Variants in SLIT1 observed in about 807,000 individuals in gnomAD.
SLIT1 encodes slit guidance ligand 1.
A neutral mutation model predicts 186.1 loss-of-function variants in SLIT1; 66 were observed. That is an observed-to-expected ratio of 0.35 (90% CI 0.29 to 0.44). The LOEUF (loss-of-function observed/expected upper bound fraction) is 0.44, where lower values mean the gene tolerates loss of function less well. Among genes scored for constraint, SLIT1 ranks in the 20% least tolerant of loss-of-function variants. The pLI is 1.00. For synonymous variants in SLIT1, 761 were observed against 833.8 expected, an observed-to-expected ratio of 0.91 and a Z score of 1.50; for missense variants, 1,638 against 2,037.4, an observed-to-expected ratio of 0.80 and a Z score of 3.77.
intron 9 of SLIT1, 28 bp downstream of exon 9, chr10:97,060,612 C>G (rs745486958): frequency 1.2e-6 from 2 of 1,611,586 alleles, no homozygotes; most frequent in East Asian, 2.2e-5. Flanking sequence ...AGGGCTGTGC[C>G]CCAGCATCTG....
chr10:97,165,522 T>A (rs1443453242), intron 1 of SLIT1, among the ~76,000 whole-genome samples: 2 of 151,944 alleles, frequency 1.3e-5, no homozygotes, highest in Non-Finnish European at 2.9e-5. Flanking sequence ...GGAGCAGACG[T>A]GCCCCAAGGA....
chr10:97,169,231 TG>T (rs1363005447), intron 1 of SLIT1, among the ~76,000 whole-genome samples: 10 of 152,202 alleles, frequency 6.6e-5, no homozygotes, highest in African/African-American at 2.4e-4. Flanking sequence ...CCATCAGCCT[TG>T]CTCTCTAACG....
intron 3 of SLIT1, among the ~76,000 whole-genome samples, chr10:97,160,790 G>A (rs926969512): frequency 3.9e-5 from 6 of 152,118 alleles, no homozygotes; most frequent in South Asian, 2.1e-4. Flanking sequence ...GCATGATCTC[G>A]GCTCACCGCA....
intron 25 of SLIT1, among the ~76,000 whole-genome samples, chr10:97,023,642 A>G (rs545233519): frequency 6.6e-6 from 1 of 152,318 alleles, no homozygotes; most frequent in Admixed American, 6.5e-5. Context: ...ATTTTAGGGT[A>G]AGAAAGAGCC....
At chr10:97,048,281 G>A (rs1848754764) in intron 14 of SLIT1, among the ~76,000 whole-genome samples, 1 of 152,208 alleles carries the variant, frequency 6.6e-6, no homozygotes, top group African/African-American at 2.4e-5. Context: ...TTTTACAGGT[G>A]GGGACGGGGT....
chr10:97,061,621 A>G (rs1366179908), intron 8 of SLIT1, among the ~76,000 whole-genome samples: 67 of 152,196 alleles, frequency 4.4e-4, no homozygotes, highest in Non-Finnish European at 7.3e-5. Context: ...TGTGTGTATC[A>G]GTAGTTTGTT....
chr10:97,130,392 C>T (rs975140630), intron 4 of SLIT1, among the ~76,000 whole-genome samples: 3 of 152,096 alleles, frequency 2.0e-5, no homozygotes, highest in South Asian at 2.1e-4. Flanking sequence ...GGATAACAAA[C>T]GTGGTATTTA....
At chr10:97,118,189 G>T (rs969665506) in intron 4 of SLIT1, among the ~76,000 whole-genome samples, 1 of 152,164 alleles carries the variant, frequency 6.6e-6, no homozygotes, top group African/African-American at 2.4e-5. Context: ...GGACTATATG[G>T]TATAAGAAGG....
At chr10:97,054,396 C>G (rs1848819588) in intron 13 of SLIT1, among the ~76,000 whole-genome samples, 1 of 152,018 alleles carries the variant, frequency 6.6e-6, no homozygotes, top group South Asian at 2.1e-4. Context: ...CCCCATGGAA[C>G]TGTCAGCCAA....
chr10:97,125,090 A>T, intron 4 of SLIT1, among the ~76,000 whole-genome samples: 1 of 152,228 alleles, frequency 6.6e-6, no homozygotes, highest in Non-Finnish European at 1.5e-5. Context: ...GGAGGTGTGG[A>T]GAAACAGAGC....
At position 97,022,206 on chromosome 10, in the gene SLIT1, T is replaced by C. The variant is rs1848508302; in HGVS notation, c.2583-793A>G. On this transcript the variant is annotated intron_variant, in intron 25 of 36. Transcript: ENST00000266058. This position sits in a 1 kb window ranked among gnomAD's most constrained non-coding sequence, Gnocchi z 4.2. ...GGCACCGAGCCTCCCATGGAATAAG[T>C]AATTTCCCTGGGGTCACACAACTAG... Among the ~76,000 whole-genome samples the C allele has an allele frequency of 6.6e-6, 1 of 152,222 alleles. No homozygotes were observed. The highest frequency in any genetic ancestry group is 2.4e-5 in the African/African-American group (1 of 41,460).
chr10:97,135,493 C>T (rs899020213), intron 4 of SLIT1, among the ~76,000 whole-genome samples: 2 of 152,108 alleles, frequency 1.3e-5, no homozygotes, highest in Admixed American at 1.3e-4. Context: ...CCACAAAAAC[C>T]TGGAATCACA....
intron 4 of SLIT1, chr10:97,154,122 C>T (rs111739326): frequency 5.9e-5 from 9 of 152,328 alleles, no homozygotes; most frequent in African/African-American, 1.4e-4. Context: ...TGGGGCAGGG[C>T]GGATGCGTAC....
At chr10:97,074,949 C>G (rs1015023990) in intron 4 of SLIT1, among the ~76,000 whole-genome samples, 2 of 152,244 alleles carry the variant, frequency 1.3e-5, no homozygotes, top group South Asian at 4.1e-4. Flanking sequence ...GCAGACCAGC[C>G]TCTAAGGGGA....
intron 4 of SLIT1, among the ~76,000 whole-genome samples, chr10:97,098,278 A>G (rs1564675134): frequency 6.6e-6 from 1 of 152,180 alleles, no homozygotes; most frequent in Admixed American, 6.5e-5. Flanking sequence ...TGTGCTGAGT[A>G]CCATTTTCTG....
chr10:97,163,785 G>C (rs1309640658), intron 2 of SLIT1, among the ~76,000 whole-genome samples: 1 of 152,236 alleles, frequency 6.6e-6, no homozygotes, highest in East Asian at 1.9e-4. Context: ...CTCCAATCAG[G>C]CTCCAGGGAG....
chr10:97,017,113 G>A (rs1848460669), intron 28 of SLIT1, among the ~76,000 whole-genome samples: 1 of 152,236 alleles, frequency 6.6e-6, no homozygotes, highest in Non-Finnish European at 1.5e-5. Context: ...AGGCAGTGAG[G>A]TGAGGGGGCT....
chr10:97,106,755 C>T (rs1849419367), intron 4 of SLIT1, among the ~76,000 whole-genome samples: 1 of 152,126 alleles, frequency 6.6e-6, no homozygotes, highest in Non-Finnish European at 1.5e-5. Context: ...CGCTCTACCC[C>T]TGAGCAGACA....
intron 4 of SLIT1, among the ~76,000 whole-genome samples, chr10:97,081,817 T>G (rs955326985): frequency 4.6e-5 from 7 of 152,176 alleles, no homozygotes; most frequent in Non-Finnish European, 1.0e-4. Context: ...GGAGTCGCTG[T>G]CTGGGGAGCT....
Sources: gnomAD v4.1 joint callset for allele counts (sites outside exome capture counted in the v4.1 genomes callset) on GRCh38, gnomAD v4.1.1 for gene constraint, Gnocchi (gnomAD v3.1) non-coding constraint, MANE v1.5 for transcripts, NCBI Gene and HGNC (gene_info 2026-07-23, HGNC 2026-07-21) for gene names.